SRPK2: variants seen among roughly 807,000 people sequenced by gnomAD.
SRPK2 encodes SRSF protein kinase 2, also known as SFRS protein kinase 2.
SRPK2 carries 21 observed loss-of-function variants against 90.8 expected under a neutral mutation model. That is an observed-to-expected ratio of 0.23 (90% CI 0.16 to 0.33). The LOEUF (loss-of-function observed/expected upper bound fraction) is 0.33, where lower values mean the gene tolerates loss of function less well. SRPK2 is among the 10% of genes least tolerant of loss of function. SRPK2 has a pLI of 1.00. For missense variants in SRPK2, 620 were observed against 869.0 expected, an observed-to-expected ratio of 0.71 and a Z score of 3.60; for synonymous variants, 288 against 311.1, an observed-to-expected ratio of 0.93 and a Z score of 0.78.
rs575390118 is a variant in SRPK2 at position 105,120,205 on chromosome 7, C to T, written c.1916-2183G>A. On this transcript the variant is annotated intron_variant, in intron 15 of 15. Coordinates refer to ENST00000393651, the MANE Select transcript of SRPK2 (RefSeq NM_182692.3). ...TGGGAAAGGGAGCGAACTTTTATGA[C>T]ATGAATCTATTCTATCTCAGAAAAA... is the stretch of plus-strand genomic sequence containing the variant. Among the ~76,000 whole-genome samples the T allele has an allele frequency of 1.2e-4, 19 of 152,286 alleles. No homozygotes were observed. In the East Asian group the frequency reaches 2.5e-3, roughly 20 times the overall value.
At chr7:105,205,517 T>TCACA (rs543121144) in intron 2 of SRPK2, among the ~76,000 whole-genome samples, 18 of 95,884 alleles carry the variant, frequency 1.9e-4, no homozygotes, top group Admixed American at 4.1e-4. Flanking sequence ...TCTCTCTCTC[T>TCACA]CACACACACA....
chr7:105,129,051 T>C (rs1801607560), intron 13 of SRPK2, among the ~76,000 whole-genome samples: 1 of 152,016 alleles, frequency 6.6e-6, no homozygotes, highest in African/African-American at 2.4e-5. Context: ...CTCAGCTCAC[T>C]GCAAGCTCAC....
intron 2 of SRPK2, among the ~76,000 whole-genome samples, chr7:105,265,686 G>GT (rs1284019233): frequency 6.6e-6 from 1 of 152,038 alleles, no homozygotes; most frequent in Non-Finnish European, 1.5e-5. Flanking sequence ...GAGTAAAAAT[G>GT]TGTCTAGCAC....
intron 3 of SRPK2, 121 bp downstream of exon 3, chr7:105,203,507 T>A: frequency 9.2e-7 from 1 of 1,091,212 alleles, no homozygotes. Context: ...ACAAGGAGGC[T>A]AATTTAATGA....
chr7:105,244,776 A>T, intron 2 of SRPK2: 1 of 985,632 alleles, frequency 1.0e-6, no homozygotes, highest in Non-Finnish European at 1.6e-6. Context: ...TTTGTGCGGG[A>T]CATGATCCCG....
chr7:105,204,733 G>T, intron 2 of SRPK2: 1 of 698,582 alleles, frequency 1.4e-6, no homozygotes, highest in Non-Finnish European at 2.4e-6. Flanking sequence ...AACATATTGT[G>T]GTCTGGTTCT....
chr7:105,324,418 G>A (rs1457478411), intron 2 of SRPK2, among the ~76,000 whole-genome samples: 3 of 151,840 alleles, frequency 2.0e-5, no homozygotes, highest in Non-Finnish European at 4.4e-5. Context: ...TGCCTCCCAA[G>A]TTCAAACAAT....
intron 3 of SRPK2, among the ~76,000 whole-genome samples, chr7:105,179,488 T>C (rs1052167757): frequency 6.6e-6 from 1 of 152,088 alleles, no homozygotes; most frequent in Non-Finnish European, 1.5e-5. Flanking sequence ...GTAGCCCAAA[T>C]AGCAATTCAG....
intron 2 of SRPK2, among the ~76,000 whole-genome samples, chr7:105,230,196 A>G (rs1799251502): frequency 6.6e-6 from 1 of 152,240 alleles, no homozygotes; most frequent in African/African-American, 2.4e-5. Flanking sequence ...ACAGAAAGGT[A>G]CAAATGAGAA....
intron 3 of SRPK2, among the ~76,000 whole-genome samples, chr7:105,190,188 T>A (rs999642661): frequency 5.2e-4 from 79 of 152,296 alleles, no homozygotes; most frequent in Admixed American, 5.0e-3. Context: ...GGGCAGATTA[T>A]GCAGGGGCTG....
At chr7:105,324,450 G>A (rs1027706061) in intron 2 of SRPK2, among the ~76,000 whole-genome samples, 1 of 152,046 alleles carries the variant, frequency 6.6e-6, no homozygotes, top group Non-Finnish European at 1.5e-5. Flanking sequence ...CTAAGTGCTG[G>A]GATTACAGGC....
intron 2 of SRPK2, among the ~76,000 whole-genome samples, chr7:105,226,155 T>G (rs1297655304): frequency 6.6e-6 from 1 of 152,194 alleles, no homozygotes; most frequent in Non-Finnish European, 1.5e-5. Flanking sequence ...ATCTATTTTT[T>G]CAATAAAAGA....
chr7:105,298,621 G>C (rs1810152888), intron 2 of SRPK2: 1 of 681,684 alleles, frequency 1.5e-6, no homozygotes, highest in Non-Finnish European at 1.8e-6. Flanking sequence ...CTTACAAAAA[G>C]GAAAAGCAAA....
At chr7:105,260,768 C>T (rs886712872) in intron 2 of SRPK2, among the ~76,000 whole-genome samples, 2 of 151,344 alleles carry the variant, frequency 1.3e-5, no homozygotes, top group Non-Finnish European at 2.9e-5. Context: ...TCATTCTAAG[C>T]AAACTATCAC....
At chr7:105,333,958 T>C (rs189194859) in intron 2 of SRPK2, among the ~76,000 whole-genome samples, 175 of 152,274 alleles carry the variant, frequency 1.1e-3, no homozygotes, top group Middle Eastern at 3.4e-3. Flanking sequence ...GTTTCGCTCT[T>C]GTTGCCCAGG....
chr7:105,250,753 G>C (rs1401868117), intron 2 of SRPK2, among the ~76,000 whole-genome samples: 3 of 152,124 alleles, frequency 2.0e-5, no homozygotes, highest in African/African-American at 4.8e-5. Flanking sequence ...ATGAATATCT[G>C]GTCCAAAGAA....
intron 3 of SRPK2, among the ~76,000 whole-genome samples, chr7:105,190,109 C>A (rs576217028): frequency 4.2e-4 from 64 of 152,298 alleles, no homozygotes; most frequent in African/African-American, 1.5e-3. Context: ...GAAGGAGGAT[C>A]ACAACAGATC....
chr7:105,279,365 T>C (rs750815812), intron 2 of SRPK2, among the ~76,000 whole-genome samples: 9 of 152,224 alleles, frequency 5.9e-5, no homozygotes, highest in Non-Finnish European at 1.2e-4. Context: ...CTTTTAAAAT[T>C]ATTATTCCAA....
Position 105,183,973 on chromosome 7 carries a change from A to AT in SRPK2, c.230-14709_230-14708insA, listed in dbSNP as rs1448187375. Among the ~76,000 whole-genome samples the AT allele has an allele frequency of 6.7e-4, 58 of 87,152 alleles. No homozygotes were observed. The South Asian group carries it at 6.7e-3, about 10-fold the overall frequency. The allele number at this position is 87,152 out of a possible 152,430, so 57.2% of individuals were successfully genotyped here. A position where few individuals can be genotyped will look rare whatever the true frequency, so the allele number is the denominator to read the frequency against. On this transcript the variant is annotated intron_variant, in intron 3 of 15. Transcript: ENST00000393651. ...AAAAGAGTTAACGTACACTATTACC[A>AT]ATTTTTTTTTTTTTTTTTTTTTGAG...
Sources: allele counts gnomAD v4.1 joint callset (sites outside exome capture counted in the v4.1 genomes callset), GRCh38; gene constraint gnomAD v4.1.1; transcripts MANE v1.5; gene names NCBI Gene and HGNC (gene_info 2026-07-23, HGNC 2026-07-21).